The following CROCC2 variants were observed in gnomAD, a reference collection of about 807,000 sequenced individuals.
The protein encoded by CROCC2 is ciliary rootlet coiled-coil protein 2.
CROCC2 carries 163 observed loss-of-function variants against 177.6 expected under a neutral mutation model. The ratio of observed to expected loss-of-function variants is 0.92; its 90% CI spans 0.81 to 1.05. The LOEUF (loss-of-function observed/expected upper bound fraction) is 1.05, where lower values mean the gene tolerates loss of function less well. Ranked by LOEUF, CROCC2 falls within the 50% of genes least tolerant of loss-of-function variation. CROCC2 has a pLI of 0.00. For missense variants in CROCC2, 1,929 were observed against 1,797.8 expected (o/e 1.07, Z -1.32); for synonymous variants, 904 against 787.3 (o/e 1.15, Z -2.48).
chr2:240,950,637 A>G, intron 18 of CROCC2, 127 bp downstream of exon 18: 2 of 903,338 alleles, frequency 2.2e-6, no homozygotes, highest in Non-Finnish European at 1.6e-6. Context: ...CCATCCATCC[A>G]TCCATCCATC....
In CROCC2 at chr2:240,948,993, C is replaced by G; in HGVS notation, c.2378C>G (p.Ser793Cys). The change falls in exon 16 of 32, where the codon TCC becomes TGC. Residue 793 changes from serine to cysteine, a missense_variant. Coordinates refer to ENST00000690015, the MANE Select transcript of CROCC2 (RefSeq NM_001351305.2). Reference protein sequence around the residue: ...EAADLRVERDSLESSLLEAQQ... With the variant: ...EAADLRVERDCLESSLLEAQQ... ...CATCTTTGCAGGGTGGAGAGGGACT[C>G]CCTGGAGAGCAGCCTCCTTGAGGCC... is the stretch of plus-strand genomic sequence containing the variant. 4.5e-6 allele frequency: 7 copies of G among 1,550,366 alleles called. No homozygotes were observed. The highest frequency in any genetic ancestry group is 6.1e-6 in the Non-Finnish European group (7 of 1,146,928).
chr2:240,989,872 G>T (rs2059866251), intron 30 of CROCC2, 39 bp downstream of exon 30: 1 of 1,504,188 alleles, frequency 6.6e-7, no homozygotes, highest in Non-Finnish European at 9.0e-7. Context: ...GAGGGAAGAG[G>T]CAGGGACAGA....
rs2059727227 is a variant in CROCC2, at chr2:240,972,384, C to T, written c.4401+4122C>T. ...GGAGCGGCGCTCTCCGGTGCACGGT[C>T]ACGGTGCGGTCCTCCACCTCCCCAG... On this transcript the variant is annotated intron_variant, in intron 27 of 31. Coordinates refer to ENST00000690015, the MANE Select transcript of CROCC2 (RefSeq NM_001351305.2). The surrounding 1 kb of genome is among the most constrained non-coding windows in gnomAD (Gnocchi z 7.1). Among the ~76,000 whole-genome samples the T allele has an allele frequency of 6.6e-6, 1 of 150,582 alleles. No homozygotes were observed. The highest frequency in any genetic ancestry group is 2.1e-4 in the South Asian group (1 of 4,806).
chr2:240,968,134 C>T lies in CROCC2; in HGVS notation c.4273C>T (p.Arg1425Cys), dbSNP rs570955891. ...CCACCCTGCTTGCCCCACAGGCCAG[C>T]GCCGGGTGGAGGGCGCGCTGAGCAG... ...KALAEAEEGQ[R>C]RVEGALSSAR... The change falls in exon 27 of 32, where the codon CGC becomes TGC. Residue 1425 changes from arginine (R) to cysteine (C), a missense_variant. Arg to Cys is a radical substitution (Grantham distance 180). Around this residue, in one of 3 missense-constraint regions of CROCC2, gnomAD observed 388 missense variants for 352.7 expected, o/e 1.10. Transcript: ENST00000690015. 81 of 1,481,174 alleles carry T rather than the reference C, an allele frequency of 5.5e-5. 1 individual carries two copies. The South Asian group carries it at 7.1e-4, about 13-fold the overall frequency. 91.8% of individuals were successfully genotyped at this position (1,481,174 alleles called of 1,614,324 possible).
chr2:240,987,679 A>G (rs1316843804), intron 28 of CROCC2, among the ~76,000 whole-genome samples: 1 of 152,214 alleles, frequency 6.6e-6, no homozygotes, highest in African/African-American at 2.4e-5. Context: ...CTGCTGCCCA[A>G]TCCTGGGCCA....
intron 6 of CROCC2, 22 bp downstream of exon 6, chr2:240,930,291 T>G (rs916162766): frequency 2.2e-5 from 11 of 494,138 alleles, no homozygotes; most frequent in Non-Finnish European, 3.7e-5. Context: ...CCGCCCCACC[T>G]GGGGCCAGGC....
In CROCC2 at chr2:240,931,056, T is replaced by C. The variant is rs1000761464; in HGVS notation, c.875T>C (p.Leu292Pro). The C allele has an allele frequency of 3.6e-5, 26 of 716,566 alleles. No homozygotes were observed. The highest frequency in any genetic ancestry group is 6.2e-5 in the Non-Finnish European group (24 of 384,790). 44.4% of individuals were successfully genotyped at this position (716,566 alleles called of 1,614,324 possible). A position where few individuals can be genotyped will look rare whatever the true frequency, so the allele number is the denominator to read the frequency against. Residue 292 changes from leucine (L) to proline (P), a missense_variant, in exon 7 of 32, where the codon CTT (leucine) becomes CCT (proline). Leu to Pro is a moderately conservative substitution (Grantham distance 98). Transcript: ENST00000690015. ...ACGGCCAGCACCCTGGGGCAGCAGC[T>C]TCGGGACAAGGCTGGGGAGATGCTG... ...SSTASTLGQQ[L>P]RDKAGEMLQL...
At chr2:240,925,629 G>A in intron 4 of CROCC2, 95 bp from the exon 5 acceptor site, 2 of 623,120 alleles carry the variant, frequency 3.2e-6, no homozygotes, top group Non-Finnish European at 2.9e-6. Flanking sequence ...CAGAGGGTTT[G>A]GGGTTCCATT....
chr2:240,983,233 G>A (rs1444303328), intron 28 of CROCC2: 11 of 857,624 alleles, frequency 1.3e-5, no homozygotes, highest in Non-Finnish European at 1.9e-5. Flanking sequence ...TGAGCCTGGA[G>A]GGGCCCACAG....
At position 240,960,865 on chromosome 2, in the gene CROCC2, G is replaced by A. The variant is rs934802257; in HGVS notation, c.3087+1421G>A. Among the ~76,000 whole-genome samples, 14 of 151,452 alleles carry A rather than the reference G, an allele frequency of 9.2e-5. No homozygotes were observed. The highest frequency in any genetic ancestry group is 4.6e-4 in the Admixed American group (7 of 15,226). The stretch of plus-strand genomic sequence containing the variant: ...TTCAACAGATTTCAAAGTCAGGCCC[G>A]GTCAGCGACCACACGGGGAAGCAAA... On this transcript the variant is annotated intron_variant, in intron 20 of 31. Coordinates refer to ENST00000690015, the MANE Select transcript of CROCC2 (RefSeq NM_001351305.2). The surrounding 1 kb of genome is among the most constrained non-coding windows in gnomAD (Gnocchi z 5.0).
rs1220824492 is a variant in CROCC2 at position 240,949,460 on chromosome 2, C to T, written c.2483-73C>T. On this transcript the variant is annotated intron_variant, in intron 16 of 31. Transcript: ENST00000690015. The surrounding 1 kb of genome is among the most constrained non-coding windows in gnomAD (Gnocchi z 4.5). ...ACAGTGCTTGCCCCCAAGACTGTCA[C>T]TCCCTAGGAAGTCCCAAAGGGTTCA... is the stretch of plus-strand genomic sequence containing the variant. 6.7e-7 allele frequency: 1 copy of T among 1,499,344 alleles called. No homozygotes were observed. Among genetic ancestry groups the T allele is most frequent in the Non-Finnish European group, 9.0e-7 (1 of 1,109,800 alleles). The allele number at this position is 1,499,344 out of a possible 1,614,324, so 92.9% of individuals were successfully genotyped here. A position where few individuals can be genotyped will look rare whatever the true frequency, so the allele number is the denominator to read the frequency against.
Position 240,949,078 on chromosome 2 carries a change from C to A in CROCC2, c.2463C>A (p.Leu821=), listed in dbSNP as rs992255011. Reference sequence around the variant, plus strand: ...AGGAGGAAGCCCGGAGCGCAGGACTCGCGCGGCAGGCCTTGCAAGGTGCTC... The same window carrying A: ...AGGAGGAAGCCCGGAGCGCAGGACTAGCGCGGCAGGCCTTGCAAGGTGCTC... ...QLEEEARSAG[L]ARQALQVEME... is the part of the protein sequence containing the mutation. The change falls in exon 16 of 32, where the codon CTC becomes CTA. Residue 821 remains leucine, a synonymous_variant. Transcript: ENST00000690015. This position sits in a 1 kb window ranked among gnomAD's most constrained non-coding sequence, Gnocchi z 4.5. 1.3e-5 allele frequency: 20 copies of A among 1,545,686 alleles called. No individual in the cohort carries two copies. The highest frequency in any genetic ancestry group is 1.7e-5 in the Non-Finnish European group (20 of 1,145,556).
intron 14 of CROCC2, among the ~76,000 whole-genome samples, chr2:240,943,878 G>T (rs531476302): frequency 6.6e-6 from 1 of 152,296 alleles, no homozygotes; most frequent in Non-Finnish European, 1.5e-5. Context: ...TAGAATTTCA[G>T]ACTCACTTTA....
Position 240,950,415 on chromosome 2 carries a change from A to T in CROCC2, c.2734A>T (p.Ser912Cys), listed in dbSNP as rs1177508585. ...GCAGGAGAAGGAGCTGGTGACAAAA[A>T]GTGCAGCTGAGAGGGAGGCTCTGAA... ...LEQEKELVTK[S>C]AAEREALKGE... Residue 912 changes from serine (S) to cysteine (C), a missense_variant, in exon 18 of 32, where the codon AGT becomes TGT. Physicochemically the swap from Ser to Cys is moderately radical, Grantham distance 112 (BLOSUM62 -1). Transcript: ENST00000690015. The T allele has an allele frequency of 6.5e-7, 1 of 1,550,356 alleles. No individual in the cohort carries two copies. Among genetic ancestry groups the T allele is most frequent in the South Asian group, 1.2e-5 (1 of 84,062 alleles).
At chr2:240,961,754 GCA>G (rs1157120410) in intron 20 of CROCC2, among the ~76,000 whole-genome samples, 1 of 133,812 alleles carries the variant, frequency 7.5e-6, no homozygotes, top group African/African-American at 3.0e-5. Context: ...GTGGACACCT[GCA>G]CTGGCTCTCA....
At position 240,966,295 on chromosome 2, in the gene CROCC2, C is replaced by G. The variant is rs2059683872; in HGVS notation, c.4032C>G (p.Leu1344=). 1 of 450,220 alleles carries G rather than the reference C, an allele frequency of 2.2e-6. No homozygotes were observed. 27.9% of individuals were successfully genotyped at this position (450,220 alleles called of 1,614,324 possible). A position where few individuals can be genotyped will look rare whatever the true frequency, so the allele number is the denominator to read the frequency against. The change falls in exon 25 of 32, where the codon CTC becomes CTG. Residue 1344 remains leucine, a synonymous_variant. Transcript: ENST00000690015. Reference sequence around the variant, plus strand: ...CCCCAGCCAGGCCCCACTCGCCCCTCCGATGGCCCTCGCCCACACCCGGAG... The same window carrying G: ...CCCCAGCCAGGCCCCACTCGCCCCTGCGATGGCCCTCGCCCACACCCGGAG... ...TSPPARPHSP[L]RWPSPTPGGR...
intron 28 of CROCC2, among the ~76,000 whole-genome samples, chr2:240,985,614 A>ACACTCACTCCACACACACCCAGG (rs2059833904): frequency 2.0e-5 from 1 of 51,054 alleles, no homozygotes; most frequent in Non-Finnish European, 3.4e-5. Flanking sequence ...ACACACCCAG[A>ACACTCACTCCACACACACCCAGG]CACTCACTCC....
At chr2:240,985,758 C>CACAT in intron 28 of CROCC2, 1 of 321,600 alleles carries the variant, frequency 3.1e-6, no homozygotes, top group Non-Finnish European at 6.2e-6. Flanking sequence ...GCACTCACTC[C>CACAT]ACACACACCC....
chr2:240,965,588 C>T (rs746602058), intron 23 of CROCC2, 48 bp from the exon 24 acceptor site: 12 of 1,549,324 alleles, frequency 7.7e-6, no homozygotes, highest in South Asian at 4.8e-5. Flanking sequence ...AGGCCCACCC[C>T]ACTTCCTCAC....
Sources: allele counts gnomAD v4.1 joint callset (sites outside exome capture counted in the v4.1 genomes callset), GRCh38; gene constraint gnomAD v4.1.1; regional missense constraint gnomAD v4.1.1; non-coding constraint Gnocchi (gnomAD v3.1); transcripts MANE v1.5; gene names NCBI Gene and HGNC (gene_info 2026-07-23, HGNC 2026-07-21).